Variants in MRRF observed in about 807,000 individuals in gnomAD.
The protein encoded by MRRF is ribosome-recycling factor, mitochondrial.
A neutral mutation model predicts 25.1 loss-of-function variants in MRRF; 18 were observed. The observed-to-expected ratio is 0.72, with a 90% CI of 0.50 to 1.06. The LOEUF (loss-of-function observed/expected upper bound fraction) is 1.06, where lower values mean the gene tolerates loss of function less well. Among genes scored for constraint, MRRF ranks in the 50% least tolerant of loss-of-function variants. MRRF has a pLI of 0.00. For missense variants in MRRF, 323 were observed against 319.3 expected (o/e 1.01, Z -0.09); for synonymous variants, 113 against 112.1 (o/e 1.01, Z -0.05).
At chr9:122,298,140 T>G (rs1246248468) in intron 5 of MRRF, among the ~76,000 whole-genome samples, 1 of 152,224 alleles carries the variant, frequency 6.6e-6, no homozygotes, top group Non-Finnish European at 1.5e-5. Flanking sequence ...TACTTGTAAG[T>G]CTGTATTCTT....
At chr9:122,292,517 A>G (rs1343628631) in intron 5 of MRRF, among the ~76,000 whole-genome samples, 1 of 152,232 alleles carries the variant, frequency 6.6e-6, no homozygotes, top group African/African-American at 2.4e-5. Flanking sequence ...AAGAGAAAAT[A>G]TAAGACCTTG....
chr9:122,313,387 G>A lies in MRRF; in HGVS notation c.711+1G>A. 1 of 1,613,842 alleles carries A rather than the reference G, an allele frequency of 6.2e-7. No individual in the cohort carries two copies. Among genetic ancestry groups the A allele is most frequent in the Non-Finnish European group, 8.5e-7 (1 of 1,179,752 alleles). ...CACCATTAGGCTAATAGAGAAACAGGTACTATTGCCAGCAATGTAGTAGTG... is the reference window on the plus strand; with the variant it reads ...CACCATTAGGCTAATAGAGAAACAGATACTATTGCCAGCAATGTAGTAGTG... On this transcript the variant is annotated splice_donor_variant, in intron 6 of 6. Coordinates refer to ENST00000344641, the MANE Select transcript of MRRF (RefSeq NM_138777.5). LOFTEE classifies it high-confidence loss of function.
chr9:122,274,533 G>GGTGTGAGTGTGT (rs1554817595), intron 2 of MRRF, among the ~76,000 whole-genome samples: 1 of 140,562 alleles, frequency 7.1e-6, no homozygotes, highest in African/African-American at 2.7e-5. Flanking sequence ...ATATGAATCT[G>GGTGTGAGTGTGT]GTGTGTGTGT....
rs1833356109 is a variant in MRRF, at chr9:122,285,757, CTAAT to C, written c.459+472_459+475del. 5 of 1,259,010 alleles carry C rather than the reference CTAAT, an allele frequency of 4.0e-6. No homozygotes were observed. In the South Asian group the frequency reaches 6.8e-5, roughly 17 times the overall value. 78.0% of individuals were successfully genotyped at this position (1,259,010 alleles called of 1,614,324 possible). ...ATCTTTATTCTGTAAATGTTGATGACTAATTGAGTTTTTTTTTTAAAGACTATGA... is the reference window on the plus strand; with the variant it reads ...ATCTTTATTCTGTAAATGTTGATGACTGAGTTTTTTTTTTAAAGACTATGA... On this transcript the variant is annotated intron_variant, in intron 4 of 6. Coordinates refer to ENST00000344641, the MANE Select transcript of MRRF (RefSeq NM_138777.5).
In MRRF at chr9:122,329,572, T is replaced by C. The variant is rs1239254338; in HGVS notation, c.*6955T>C. 1 of 152,260 alleles carries C rather than the reference T, an allele frequency of 6.6e-6. No homozygotes were observed. The highest frequency in any genetic ancestry group is 1.5e-5 in the Non-Finnish European group (1 of 68,098). The allele number at this position is 152,260 out of a possible 1,614,324, so 9.4% of individuals were successfully genotyped here. On this transcript the variant is annotated 3_prime_UTR_variant, in exon 7 of 7. Transcript: ENST00000344641. ...TCCTCTCTCAGGAAAAGCCTCACCA[T>C]CCACCCAGGTGCCAAGCCAGGACAC... is the stretch of plus-strand genomic sequence containing the variant.
rs1439335665 is a variant in MRRF at position 122,322,812 on chromosome 9, G to A, written c.*195G>A. On this transcript the variant is annotated 3_prime_UTR_variant, in exon 7 of 7. Coordinates refer to ENST00000344641, the MANE Select transcript of MRRF (RefSeq NM_138777.5). ...TCTCTTCCTGCTTCTGCTCTGGGCC[G>A]GTGGGTGGCTCTCAGAAAATACTTG... The A allele has an allele frequency of 8.8e-5, 57 of 644,900 alleles. No individual in the cohort carries two copies. Among genetic ancestry groups the A allele is most frequent in the Non-Finnish European group, 1.3e-4 (48 of 357,840 alleles). 39.9% of individuals were successfully genotyped at this position (644,900 alleles called of 1,614,324 possible).
intron 5 of MRRF, among the ~76,000 whole-genome samples, chr9:122,299,164 G>A (rs142566708): frequency 4.4e-4 from 67 of 151,952 alleles, no homozygotes; most frequent in African/African-American, 1.4e-3. Flanking sequence ...GCTGACGTGG[G>A]TGGATCACTT....
intron 2 of MRRF, among the ~76,000 whole-genome samples, chr9:122,274,063 C>G (rs1012565649): frequency 3.3e-5 from 5 of 152,112 alleles, no homozygotes; most frequent in Non-Finnish European, 5.9e-5. Context: ...ATTGCCCTCC[C>G]TTCTCCTCTC....
chr9:122,283,963 A>T (rs1351000792), intron 3 of MRRF, among the ~76,000 whole-genome samples: 1 of 143,702 alleles, frequency 7.0e-6, no homozygotes, highest in African/African-American at 2.9e-5. Flanking sequence ...AAATGTTAAT[A>T]GTTTTGTTGT....
chr9:122,297,264 G>A (rs1194486144), intron 5 of MRRF, among the ~76,000 whole-genome samples: 3 of 152,264 alleles, frequency 2.0e-5, no homozygotes, highest in Middle Eastern at 3.4e-3. Context: ...AGCCGAGATC[G>A]TGCCATTGCA....
intron 4 of MRRF, among the ~76,000 whole-genome samples, chr9:122,287,276 T>G (rs974773740): frequency 6.6e-6 from 1 of 152,222 alleles, no homozygotes; most frequent in African/African-American, 2.4e-5. Flanking sequence ...GCTCATTGTG[T>G]CCAACACCAA....
chr9:122,304,517 C>G (rs1457323076), intron 5 of MRRF, among the ~76,000 whole-genome samples: 1 of 152,168 alleles, frequency 6.6e-6, no homozygotes, highest in African/African-American at 2.4e-5. Flanking sequence ...GAGCAAGTTG[C>G]CACCAACACT....
intron 3 of MRRF, among the ~76,000 whole-genome samples, chr9:122,281,536 A>G (rs1462665111): frequency 6.6e-6 from 1 of 152,304 alleles, no homozygotes; most frequent in Non-Finnish European, 1.5e-5. Flanking sequence ...TCACTTGTCA[A>G]CCTTTGGGCT....
intron 5 of MRRF, among the ~76,000 whole-genome samples, chr9:122,292,182 A>G (rs1163944650): frequency 6.6e-6 from 1 of 152,218 alleles, no homozygotes; most frequent in Non-Finnish European, 1.5e-5. Flanking sequence ...GTGACTTGGT[A>G]AGGATGATGG....
At chr9:122,281,518 T>C (rs1212255320) in intron 3 of MRRF, among the ~76,000 whole-genome samples, 1 of 152,256 alleles carries the variant, frequency 6.6e-6, no homozygotes, top group African/African-American at 2.4e-5. Context: ...ACTAGAAGAC[T>C]GTTCCCGTCA....
In MRRF at chr9:122,280,556, A is replaced by G. The variant is rs1564478795; in HGVS notation, c.298A>G (p.Lys100Glu). The G allele has an allele frequency of 1.5e-5, 24 of 1,613,636 alleles. No homozygotes were observed. Among genetic ancestry groups the G allele is most frequent in the Non-Finnish European group, 1.9e-5 (23 of 1,179,660 alleles). Residue 100 changes from lysine (K) to glutamate (E), a missense_variant, in exon 3 of 7, where the codon AAG becomes GAG. Transcript: ENST00000344641. ...EEMKSVIEAL[K>E]DNFNKTLNIR... is the part of the protein sequence containing the mutation. ...AATGAAGTCTGTGATAGAAGCTCTC[A>G]AGGATAATTTCAATAAGACTCTCAA... is the stretch of plus-strand genomic sequence containing the variant.
intron 5 of MRRF, among the ~76,000 whole-genome samples, chr9:122,297,450 C>T (rs1428621059): frequency 6.6e-6 from 1 of 151,924 alleles, no homozygotes; most frequent in Non-Finnish European, 1.5e-5. Context: ...TGGGATTATA[C>T]TATACATAGT....
intron 2 of MRRF, among the ~76,000 whole-genome samples, chr9:122,277,229 T>G (rs751073211): frequency 1.3e-5 from 2 of 152,226 alleles, no homozygotes; most frequent in Non-Finnish European, 2.9e-5. Context: ...AATTGTTATA[T>G]ATCTTTCTGG....
chr9:122,292,909 A>G (rs568476989), intron 5 of MRRF, among the ~76,000 whole-genome samples: 91 of 152,342 alleles, frequency 6.0e-4, no homozygotes, highest in African/African-American at 2.0e-3. Context: ...TAAGTGTTGA[A>G]TTAACTCGTT....
Sources: allele counts gnomAD v4.1 joint callset (sites outside exome capture counted in the v4.1 genomes callset), GRCh38; gene constraint gnomAD v4.1.1; transcripts MANE v1.5; gene names NCBI Gene and HGNC (gene_info 2026-07-23, HGNC 2026-07-21).